Variants in WNK1 observed in about 807,000 individuals in gnomAD.
WNK1 encodes WNK lysine deficient protein kinase 1.
WNK1 carries 38 observed loss-of-function variants against 222.8 expected under a neutral mutation model. That is an observed-to-expected ratio of 0.17 (90% CI 0.13 to 0.22). WNK1 has a LOEUF of 0.22. WNK1 is among the 10% of genes least tolerant of loss of function. WNK1 has a pLI of 1.00. For synonymous variants in WNK1, 1,090 were observed against 1,092.9 expected (o/e 1.00, Z 0.05); for missense variants, 2,348 against 2,918.4 (o/e 0.80, Z 4.50).
At chr12:896,807 T>C in intron 24 of WNK1, 75 bp downstream of exon 24, 2 of 1,528,482 alleles carry the variant, frequency 1.3e-6, no homozygotes, top group Non-Finnish European at 1.8e-6. Context: ...AGATTAATAA[T>C]ATTTTTCGCC....
Position 896,868 on chromosome 12 carries a change from C to G in WNK1, c.6245+136C>G, listed in dbSNP as rs991364930. ...TTAAAGAGACAGTGCCACAGAAGCC[C>G]CACCCCATACCTCCCCACCACACAC... On this transcript the variant is annotated intron_variant, in intron 24 of 27. Coordinates refer to ENST00000315939, the MANE Select transcript of WNK1 (RefSeq NM_018979.4). The G allele has an allele frequency of 4.0e-6, 3 of 755,860 alleles. No individual in the cohort carries two copies. In the African/African-American group the frequency reaches 5.4e-5, roughly 14 times the overall value. The allele number at this position is 755,860 out of a possible 1,614,324, so 46.8% of individuals were successfully genotyped here.
chr12:863,433 T>C (rs1449884177), intron 8 of WNK1, among the ~76,000 whole-genome samples: 1 of 152,184 alleles, frequency 6.6e-6, no homozygotes, highest in African/African-American at 2.4e-5. Flanking sequence ...AGAAGAACTT[T>C]ATAAAGACTG....
chr12:814,527 C>T (rs963455854), intron 2 of WNK1, among the ~76,000 whole-genome samples: 1 of 152,084 alleles, frequency 6.6e-6, no homozygotes, highest in Non-Finnish European at 1.5e-5. Context: ...TTCCATTTCC[C>T]ATAACATCAG....
chr12:892,752 A>T (rs906298094), intron 22 of WNK1, among the ~76,000 whole-genome samples: 3 of 152,204 alleles, frequency 2.0e-5, no homozygotes, highest in Non-Finnish European at 4.4e-5. Flanking sequence ...AATGATAGAA[A>T]CACAAAGTAA....
At chr12:861,381 T>A (rs1484774216) in intron 7 of WNK1, 38 bp downstream of exon 7, 1 of 1,604,594 alleles carries the variant, frequency 6.2e-7, no homozygotes, top group African/African-American at 1.3e-5. Context: ...GGCTAATGAT[T>A]CTCCTAATTG....
At chr12:769,618 A>C (rs772090865) in intron 1 of WNK1, among the ~76,000 whole-genome samples, 1 of 152,148 alleles carries the variant, frequency 6.6e-6, no homozygotes, top group African/African-American at 2.4e-5. Context: ...TGCAGCAGCA[A>C]TTTCTCCTGG....
intron 1 of WNK1, among the ~76,000 whole-genome samples, chr12:796,714 A>G (rs945480880): frequency 1.3e-5 from 2 of 152,226 alleles, no homozygotes; most frequent in Non-Finnish European, 2.9e-5. Flanking sequence ...AGTTCTGAGA[A>G]TCATCCTAGA....
rs779314969 is a variant in WNK1 at position 753,633 on chromosome 12, C to T, written c.68C>T (p.Pro23Leu). 2 of 1,612,660 alleles carry T rather than the reference C, an allele frequency of 1.2e-6. No homozygotes were observed. Among genetic ancestry groups the T allele is most frequent in the Non-Finnish European group, 1.7e-6 (2 of 1,179,944 alleles). The change falls in exon 1 of 28, where the codon CCT becomes CTT. Residue 23 changes from proline (P) to leucine (L), a missense_variant. Pro to Leu is a moderately conservative substitution (Grantham distance 98). Transcript: ENST00000315939. The surrounding 1 kb of genome is among the most constrained non-coding windows in gnomAD (Gnocchi z 5.2). Reference protein sequence around the residue: ...PGSLFLSPPAPAPKNGSSSDS... With the variant: ...PGSLFLSPPALAPKNGSSSDS... The stretch of plus-strand genomic sequence containing the variant: ...TCCCTGTTCCTCTCGCCGCCGGCTC[C>T]TGCCCCCAAGAATGGCTCCAGCTCC...
intron 21 of WNK1, among the ~76,000 whole-genome samples, chr12:890,040 C>T (rs1195235831): frequency 6.7e-6 from 1 of 149,780 alleles, no homozygotes; most frequent in Non-Finnish European, 1.5e-5. Context: ...GCAACCATCA[C>T]CTCCCAGGTT....
At chr12:763,582 T>C (rs1326567838) in intron 1 of WNK1, among the ~76,000 whole-genome samples, 1 of 113,302 alleles carries the variant, frequency 8.8e-6, no homozygotes, top group Admixed American at 9.1e-5. Context: ...AGAGGGAAAC[T>C]CTGTCTCAAA....
rs779568561 is a variant in WNK1, at chr12:830,052, A to G, written c.1203A>G (p.Glu401=). The G allele has an allele frequency of 1.2e-6, 2 of 1,614,004 alleles. No homozygotes were observed. The highest frequency in any genetic ancestry group is 1.7e-6 in the Non-Finnish European group (2 of 1,179,900). ...APEMYEEKYD[E]SVDVYAFGMC... is the part of the protein sequence containing the mutation. ...AGATGTATGAGGAGAAATATGATGAATCCGTTGACGTTTATGCTTTTGGGA... is the reference window on the plus strand; with the variant it reads ...AGATGTATGAGGAGAAATATGATGAGTCCGTTGACGTTTATGCTTTTGGGA... The change falls in exon 4 of 28, where the codon GAA becomes GAG. Residue 401 remains glutamate, a synonymous_variant. Transcript: ENST00000315939.
At chr12:799,504 C>G (rs1382531968) in intron 1 of WNK1, among the ~76,000 whole-genome samples, 1 of 151,964 alleles carries the variant, frequency 6.6e-6, no homozygotes, top group Admixed American at 6.6e-5. Flanking sequence ...CTTTATATTA[C>G]AGTATTTTTA....
intron 26 of WNK1, among the ~76,000 whole-genome samples, chr12:902,468 A>G (rs2154099578): frequency 6.6e-6 from 1 of 152,304 alleles, no homozygotes; most frequent in East Asian, 1.9e-4. Flanking sequence ...AAAAGATGCT[A>G]GGATCTCTTC....
chr12:869,554 GT>G (rs1401590779), intron 8 of WNK1, among the ~76,000 whole-genome samples: 12 of 151,940 alleles, frequency 7.9e-5, no homozygotes, highest in African/African-American at 2.7e-4. Flanking sequence ...AGGGAATGCT[GT>G]TTTTGAGGTA....
At position 879,768 on chromosome 12, in the gene WNK1, G is replaced by A. The variant is rs754032018; in HGVS notation, c.2569G>A (p.Gly857Ser). ...STPHVSTAQT[G>S]FSSLPITMAA... is the part of the protein sequence containing the mutation. ...TCCTCATGTGTCTACGGCTCAGACA[G>A]GTTTCTCATCCCTTCCCATCACAAT... Residue 857 changes from glycine (G) to serine (S), a missense_variant, in exon 11 of 28, where the codon GGT becomes AGT. Coordinates refer to ENST00000315939, the MANE Select transcript of WNK1 (RefSeq NM_018979.4). The A allele has an allele frequency of 3.1e-6, 5 of 1,614,024 alleles. No individual in the cohort carries two copies. The South Asian group carries it at 4.4e-5, about 14-fold the overall frequency.
intron 4 of WNK1, among the ~76,000 whole-genome samples, chr12:833,504 A>G (rs192982611): frequency 2.2e-3 from 338 of 152,312 alleles, no homozygotes; most frequent in African/African-American, 7.7e-3. Flanking sequence ...TAAATGTTAT[A>G]TAATACTGTA....
At chr12:815,402 C>T (rs1228729085) in intron 2 of WNK1, among the ~76,000 whole-genome samples, 1 of 152,172 alleles carries the variant, frequency 6.6e-6, no homozygotes, top group Non-Finnish European at 1.5e-5. Flanking sequence ...TAGTCACTTG[C>T]ATGTTTTCTG....
chr12:770,865 A>G (rs1942390620), intron 1 of WNK1, among the ~76,000 whole-genome samples: 1 of 152,188 alleles, frequency 6.6e-6, no homozygotes, highest in Admixed American at 6.5e-5. Context: ...GAGAACTTTA[A>G]TTGTTGTTAA....
intron 2 of WNK1, among the ~76,000 whole-genome samples, chr12:821,296 A>G (rs1343530855): frequency 6.6e-6 from 1 of 152,068 alleles, no homozygotes; most frequent in Non-Finnish European, 1.5e-5. Context: ...GTTAGTCTAT[A>G]GTTTTCTTTT....
Sources: gnomAD v4.1 joint callset for allele counts (sites outside exome capture counted in the v4.1 genomes callset) on GRCh38, gnomAD v4.1.1 for gene constraint, Gnocchi (gnomAD v3.1) non-coding constraint, MANE v1.5 for transcripts, NCBI Gene and HGNC (gene_info 2026-07-23, HGNC 2026-07-21) for gene names.